CIMAP3: variants seen among roughly 807,000 people sequenced by gnomAD.
CIMAP3 encodes the protein ciliary microtubule associated protein 3, also known as ciliary microtubule-associated protein 3.
At chr1:111,345,137 A>T in the CIMAP3 span, among the ~76,000 whole-genome samples, 1 of 152,190 alleles carries the variant, frequency 6.6e-6, no homozygotes, top group Non-Finnish European at 1.5e-5. Context: ...AAAGTTGCCT[A>T]ATGACACATT....
the CIMAP3 span, among the ~76,000 whole-genome samples, chr1:111,345,988 G>A: frequency 6.6e-6 from 1 of 151,948 alleles, no homozygotes. Context: ...GAAAACTGGG[G>A]CTTAGAAATT....
chr1:111,348,117 CT>C, the CIMAP3 span, among the ~76,000 whole-genome samples: 1 of 152,098 alleles, frequency 6.6e-6, no homozygotes, highest in Admixed American at 6.5e-5. Flanking sequence ...CTTTTCCACC[CT>C]TTTGTGTGAT....
At chr1:111,340,063 C>T in the CIMAP3 span, among the ~76,000 whole-genome samples, 1 of 151,956 alleles carries the variant, frequency 6.6e-6, no homozygotes, top group Non-Finnish European at 1.5e-5. Context: ...ATATCTACAA[C>T]TATCTGATCT....
At chr1:111,325,760 C>T in the CIMAP3 span, among the ~76,000 whole-genome samples, 2,732 of 152,246 alleles carry the variant, frequency 0.018, 31 homozygotes, top group Non-Finnish European at 0.028. Context: ...CAGATTCTTG[C>T]ACCATATGTT....
the CIMAP3 span, among the ~76,000 whole-genome samples, chr1:111,330,997 A>G: frequency 2.0e-5 from 3 of 152,334 alleles, no homozygotes; most frequent in Admixed American, 6.5e-5. Flanking sequence ...TTCACTTTGA[A>G]AACTCAAAGC....
the CIMAP3 span, among the ~76,000 whole-genome samples, chr1:111,332,773 T>C: frequency 6.6e-6 from 1 of 152,070 alleles, no homozygotes; most frequent in African/African-American, 2.4e-5. Flanking sequence ...TCTAGGGATG[T>C]GTCTGCAGGA....
the CIMAP3 span, among the ~76,000 whole-genome samples, chr1:111,332,232 C>T: frequency 2.0e-5 from 3 of 152,216 alleles, no homozygotes; most frequent in Non-Finnish European, 2.9e-5. Flanking sequence ...AGTTGTTTGG[C>T]TTCTTGGTTG....
chr1:111,334,792 A>G, the CIMAP3 span, among the ~76,000 whole-genome samples: 1 of 152,234 alleles, frequency 6.6e-6, no homozygotes, highest in Admixed American at 6.5e-5. Context: ...GAATGGATCA[A>G]TGAAAGGAAA....
chr1:111,341,994 G>T, the CIMAP3 span, among the ~76,000 whole-genome samples: 2 of 151,616 alleles, frequency 1.3e-5, no homozygotes, highest in Admixed American at 1.3e-4. Context: ...ATGAGCATGG[G>T]GTAGAATCTC....
At chr1:111,337,494 T>A in the CIMAP3 span, among the ~76,000 whole-genome samples, 1 of 151,830 alleles carries the variant, frequency 6.6e-6, no homozygotes. Context: ...AATAAAAGGA[T>A]GGAGGAAGAT....
At chr1:111,336,186 CA>C in the CIMAP3 span, among the ~76,000 whole-genome samples, 1 of 152,096 alleles carries the variant, frequency 6.6e-6, no homozygotes, top group Non-Finnish European at 1.5e-5. Flanking sequence ...ACATCCACAC[CA>C]AAAACCCATC....
At chr1:111,338,916 G>C in the CIMAP3 span, among the ~76,000 whole-genome samples, 1 of 152,132 alleles carries the variant, frequency 6.6e-6, no homozygotes, top group African/African-American at 2.4e-5. Context: ...GAGAATTTTA[G>C]ACCAATATCC....
At chr1:111,351,285 G>T in the CIMAP3 span, 1 of 1,586,424 alleles carries the variant, frequency 6.3e-7, no homozygotes, top group African/African-American at 1.4e-5. Context: ...ACTTTAGAAA[G>T]CATCGGAACC....
chr1:111,348,318 C>T, the CIMAP3 span: 5 of 462,956 alleles, frequency 1.1e-5, no homozygotes, highest in Non-Finnish European at 1.5e-5. Context: ...CTATATATTA[C>T]GTATCACTAG....
chr1:111,342,221 T>C, the CIMAP3 span, among the ~76,000 whole-genome samples: 343 of 152,262 alleles, frequency 2.3e-3, no homozygotes, highest in African/African-American at 7.9e-3. Flanking sequence ...AGCAACAGAT[T>C]CCTCAATGGA....
At chr1:111,341,271 G>A in the CIMAP3 span, among the ~76,000 whole-genome samples, 6,823 of 151,582 alleles carry the variant, frequency 0.045, 320 homozygotes, top group African/African-American at 0.11. Context: ...TGACGAGTTA[G>A]TGGGTGCAGC....
the CIMAP3 span, chr1:111,347,637 T>TTG: frequency 3.4e-6 from 4 of 1,188,990 alleles, no homozygotes; most frequent in Non-Finnish European, 3.6e-6. Flanking sequence ...TTTTTTTTTT[T>TTG]GGTGTTTTTG....
chr1:111,337,600 G>T, the CIMAP3 span, among the ~76,000 whole-genome samples: 8 of 152,154 alleles, frequency 5.3e-5, no homozygotes, highest in African/African-American at 1.9e-4. Flanking sequence ...AGACAAAGAA[G>T]GCCGTTACAT....
the CIMAP3 span, among the ~76,000 whole-genome samples, chr1:111,337,639 G>A: frequency 1.3e-5 from 2 of 152,344 alleles, no homozygotes; most frequent in South Asian, 4.1e-4. Context: ...TCAACAAGAA[G>A]AGCTAACTAT....
Sources: gnomAD v4.1 joint callset for allele counts (sites outside exome capture counted in the v4.1 genomes callset) on GRCh38, gnomAD v4.1.1 for gene constraint, MANE v1.5 for transcripts, NCBI Gene and HGNC (gene_info 2026-07-23, HGNC 2026-07-21) for gene names.